The following TRPV3 variants were observed in gnomAD, a reference collection of about 807,000 sequenced individuals.
TRPV3 encodes the protein transient receptor potential cation channel subfamily V member 3, also known as VRL-3.
Under a neutral mutation model 87.1 loss-of-function variants are expected in TRPV3, and 88 were observed. That is an observed-to-expected ratio of 1.01 (90% confidence interval 0.85 to 1.21). TRPV3 has a LOEUF of 1.21. Among genes scored for constraint, TRPV3 ranks in the 50% most tolerant of loss-of-function variants. TRPV3 has a pLI of 0.00. For synonymous variants in TRPV3, 438 were observed against 423.3 expected (o/e 1.03, Z -0.43); for missense variants, 1,054 against 1,030.1 (o/e 1.02, Z -0.32).
In TRPV3 at chr17:3,513,890, C is replaced by A. The variant is rs2074146064; in HGVS notation, c.*27G>T. On this transcript the variant is annotated 3_prime_UTR_variant, in exon 18 of 18. Coordinates refer to ENST00000576742, the MANE Select transcript of TRPV3 (RefSeq NM_145068.4). The stretch of plus-strand genomic sequence containing the variant: ...TCCGCCTGCAGCGCCAGACAGCGCA[C>A]GCGCACACCAGCTCTGGGTTCCGCT... The A allele has an allele frequency of 1.4e-5, 22 of 1,589,122 alleles. No individual in the cohort carries two copies. In the East Asian group the frequency reaches 4.9e-4, roughly 35 times the overall value.
At chr17:3,514,342 G>A in intron 17 of TRPV3, 2 of 543,780 alleles carry the variant, frequency 3.7e-6, no homozygotes, top group Non-Finnish European at 6.5e-6. Context: ...TCCTCCCAAA[G>A]TGCTGGGATT....
At chr17:3,547,718 G>C (rs534184743) in intron 2 of TRPV3, among the ~76,000 whole-genome samples, 12 of 152,308 alleles carry the variant, frequency 7.9e-5, no homozygotes, top group Admixed American at 7.2e-4. Flanking sequence ...GGCGGTGGAG[G>C]GGGGCAGCGG....
intron 6 of TRPV3, among the ~76,000 whole-genome samples, chr17:3,540,748 G>T (rs889486222): frequency 6.6e-6 from 1 of 152,224 alleles, no homozygotes; most frequent in African/African-American, 2.4e-5. Context: ...GGACAAGCAA[G>T]CTTGAGGCAC....
intron 6 of TRPV3, among the ~76,000 whole-genome samples, chr17:3,542,240 A>G (rs2074470326): frequency 6.6e-6 from 1 of 152,186 alleles, no homozygotes. Flanking sequence ...TCCAGGCGTG[A>G]GCCACCACGC....
intron 6 of TRPV3, 91 bp from the exon 7 acceptor site, chr17:3,535,804 C>G (rs2074404474): frequency 6.6e-5 from 88 of 1,326,894 alleles, no homozygotes; most frequent in Non-Finnish European, 8.3e-5. Context: ...CTCCCCGAAC[C>G]CACGGGGAGA....
chr17:3,519,422 TTG>T (rs2074214511), intron 14 of TRPV3, among the ~76,000 whole-genome samples: 1 of 111,164 alleles, frequency 9.0e-6, no homozygotes, highest in African/African-American at 3.6e-5. Flanking sequence ...GGATGGATGA[TTG>T]GATGGATGGA....
chr17:3,538,461 T>C (rs2074428357), intron 6 of TRPV3, among the ~76,000 whole-genome samples: 1 of 151,756 alleles, frequency 6.6e-6, no homozygotes, highest in African/African-American at 2.4e-5. Context: ...AAAGGATAAT[T>C]TGCAGTGTTA....
At position 3,529,866 on chromosome 17, in the gene TRPV3, C is replaced by T. The variant is rs572851892; in HGVS notation, c.1242+161G>A. Among the ~76,000 whole-genome samples, 417 of 151,896 alleles carry T rather than the reference C, an allele frequency of 2.7e-3. 2 individuals carry two copies. The highest frequency in any genetic ancestry group is 9.3e-3 in the African/African-American group (386 of 41,416). On this transcript the variant is annotated intron_variant, in intron 9 of 17. Coordinates refer to ENST00000576742, the MANE Select transcript of TRPV3 (RefSeq NM_145068.4). ...GCCCAGCATCTGTCCCAGGCCTCGC[C>T]TTTTCTGTGCCTGACTCTGCTCACT...
Position 3,513,662 on chromosome 17 carries a change from G to T in TRPV3, c.*255C>A. On this transcript the variant is annotated 3_prime_UTR_variant, in exon 18 of 18. Coordinates refer to ENST00000576742, the MANE Select transcript of TRPV3 (RefSeq NM_145068.4). ...ACCCGGGACTTCAGGAGGCTCCCAG[G>T]CTCCAGACTGCTGCTGGCTGTAGGT... The T allele has an allele frequency of 2.5e-6, 1 of 395,222 alleles. No individual in the cohort carries two copies. The highest frequency in any genetic ancestry group is 4.5e-6 in the Non-Finnish European group (1 of 221,424). 24.5% of individuals were successfully genotyped at this position (395,222 alleles called of 1,614,324 possible). A position where few individuals can be genotyped will look rare whatever the true frequency, so the allele number is the denominator to read the frequency against.
Position 3,551,781 on chromosome 17 carries a change from T to A in TRPV3, c.119+2951A>T, listed in dbSNP as rs577153411. 4.1e-3 allele frequency among the ~76,000 whole-genome samples: 620 copies of A among 150,930 alleles called. 9 individuals carry two copies. Among genetic ancestry groups the A allele is most frequent in the Middle Eastern group, 0.017 (5 of 286 alleles). ...CTCCCAGGTCCAAAAGTGTCTCCTA[T>A]CTCCAGACTCCCTGGTGCCTTTGAT... On this transcript the variant is annotated intron_variant, in intron 2 of 17. Transcript: ENST00000576742.
At chr17:3,539,772 AT>A (rs1437709752) in intron 6 of TRPV3, 3 of 152,148 alleles carry the variant, frequency 2.0e-5, no homozygotes, top group Admixed American at 6.5e-5. Flanking sequence ...TAAAATTTTT[AT>A]AATAAAAATG....
chr17:3,552,990 C>A (rs560533459), intron 2 of TRPV3: 1 of 152,484 alleles, frequency 6.6e-6, no homozygotes, highest in Non-Finnish European at 1.5e-5. Flanking sequence ...CAAGATGGAG[C>A]CTCCACCTGG....
chr17:3,524,872 A>G (rs537304252), intron 12 of TRPV3, among the ~76,000 whole-genome samples: 1 of 152,278 alleles, frequency 6.6e-6, no homozygotes, highest in East Asian at 1.9e-4. Flanking sequence ...TGACTCCTGC[A>G]TCGATTTGAG....
Position 3,528,318 on chromosome 17 carries a change from C to G in TRPV3, c.1402-192G>C, listed in dbSNP as rs180993431. Among the ~76,000 whole-genome samples the G allele has an allele frequency of 2.8e-4, 42 of 152,318 alleles. No homozygotes were observed. The highest frequency in any genetic ancestry group is 9.9e-4 in the African/African-American group (41 of 41,566). On this transcript the variant is annotated intron_variant, in intron 10 of 17. Transcript: ENST00000576742. This position sits in a 1 kb window ranked among gnomAD's most constrained non-coding sequence, Gnocchi z 4.2. Reference sequence around the variant, plus strand: ...CAACTCTCCTCACCCTTGATGGAAACCCAGAACTCTACAACGAAGAATATC... The same window carrying G: ...CAACTCTCCTCACCCTTGATGGAAAGCCAGAACTCTACAACGAAGAATATC...
Position 3,544,721 on chromosome 17 carries a change from G to A in TRPV3, c.225-56C>T. The A allele has an allele frequency of 6.9e-6, 9 of 1,307,452 alleles. No homozygotes were observed. The South Asian group carries it at 1.1e-4, about 16-fold the overall frequency. 81.0% of individuals were successfully genotyped at this position (1,307,452 alleles called of 1,614,324 possible). ...GTTTTAAAGTTTTAAAATGGGCCGG[G>A]TGAGGTGGCTCATGCATGTAATCCC... On this transcript the variant is annotated intron_variant, in intron 3 of 17. Coordinates refer to ENST00000576742, the MANE Select transcript of TRPV3 (RefSeq NM_145068.4).
At position 3,528,530 on chromosome 17, in the gene TRPV3, C is replaced by A. The variant is rs1215570109; in HGVS notation, c.1401+307G>T. The stretch of plus-strand genomic sequence containing the variant: ...CTTATCCTCCTCCCGTTTCCTGCAG[C>A]CCTCACAGCAGAAACACCCAGCTAG... On this transcript the variant is annotated intron_variant, in intron 10 of 17. Coordinates refer to ENST00000576742, the MANE Select transcript of TRPV3 (RefSeq NM_145068.4). This position sits in a 1 kb window ranked among gnomAD's most constrained non-coding sequence, Gnocchi z 4.2. Among the ~76,000 whole-genome samples, 1 of 152,140 alleles carries A rather than the reference C, an allele frequency of 6.6e-6. No homozygotes were observed. The highest frequency in any genetic ancestry group is 1.5e-5 in the Non-Finnish European group (1 of 68,014).
intron 14 of TRPV3, among the ~76,000 whole-genome samples, chr17:3,519,974 TTGGATGGATGGATGGATGGATGGA>T (rs56355146): frequency 8.6e-6 from 1 of 116,952 alleles, no homozygotes; most frequent in Admixed American, 8.5e-5. Flanking sequence ...GGATGAATGA[TTGGATGGATGGATGGATGGATGGA>T]TGGATGGATG....
chr17:3,515,997 A>G (rs376193566), intron 16 of TRPV3, among the ~76,000 whole-genome samples: 1 of 151,848 alleles, frequency 6.6e-6, no homozygotes, highest in Non-Finnish European at 1.5e-5. Context: ...GACCAGCTTG[A>G]CCAACATGGT....
At chr17:3,548,051 C>T (rs1409203451) in intron 2 of TRPV3, among the ~76,000 whole-genome samples, 2 of 152,160 alleles carry the variant, frequency 1.3e-5, no homozygotes, top group African/African-American at 2.4e-5. Flanking sequence ...GCAGCTGCTA[C>T]AGGACAACTG....
Sources: gnomAD v4.1 joint callset for allele counts (sites outside exome capture counted in the v4.1 genomes callset) on GRCh38, gnomAD v4.1.1 for gene constraint, Gnocchi (gnomAD v3.1) non-coding constraint, MANE v1.5 for transcripts, NCBI Gene and HGNC (gene_info 2026-07-23, HGNC 2026-07-21) for gene names.